Variants in ABR observed in about 807,000 individuals in gnomAD.
ABR encodes active breakpoint cluster region-related protein.
A neutral mutation model predicts 107.2 loss-of-function variants in ABR; 35 were observed. The ratio of observed to expected loss-of-function variants is 0.33; its 90% CI spans 0.25 to 0.43. The LOEUF (loss-of-function observed/expected upper bound fraction) is 0.43, where lower values mean the gene tolerates loss of function less well. Ranked by LOEUF, ABR falls within the 20% of genes least tolerant of loss-of-function variation. ABR has a pLI of 1.00. For missense variants in ABR, 815 were observed against 1,115.2 expected (o/e 0.73, Z 3.83); for synonymous variants, 498 against 462.0 (o/e 1.08, Z -1.00).
chr17:1,029,795 C>T (rs1008448282), intron 16 of ABR, among the ~76,000 whole-genome samples: 3 of 92,646 alleles, frequency 3.2e-5, no homozygotes, highest in East Asian at 6.7e-4. Context: ...GACGTCCCTC[C>T]GTCCACCACA....
Position 1,074,048 on chromosome 17 carries a change from C to T in ABR, c.701-371G>A, listed in dbSNP as rs149682487. ...CACACAGCTCCACCCAGCCACGCCC[C>T]GAAGAGTCCAGCACACCTGCCACAC... On this transcript the variant is annotated intron_variant, in intron 6 of 22. Coordinates refer to ENST00000302538, the MANE Select transcript of ABR (RefSeq NM_021962.5). Among the ~76,000 whole-genome samples, 1,267 of 145,778 alleles carry T rather than the reference C, an allele frequency of 8.7e-3. 15 individuals carry two copies. The highest frequency in any genetic ancestry group is 0.032 in the African/African-American group (1,186 of 37,392).
intron 2 of ABR, among the ~76,000 whole-genome samples, chr17:1,116,747 C>A (rs1374309138): frequency 6.6e-5 from 10 of 152,210 alleles, no homozygotes; most frequent in African/African-American, 2.4e-4. Flanking sequence ...CGGGGGCAGC[C>A]CCATGGCTGG....
At chr17:1,105,675 A>G (rs909089308) in intron 2 of ABR, among the ~76,000 whole-genome samples, 3 of 152,178 alleles carry the variant, frequency 2.0e-5, no homozygotes, top group African/African-American at 4.8e-5. Flanking sequence ...GGAGTTACAG[A>G]CTAGCATGGG....
Position 1,200,345 on chromosome 17 carries a change from T to C in ABR, c.838+28448A>G, listed in dbSNP as rs140063651. On this transcript the variant is annotated intron_variant, in intron 1 of 22. Coordinates refer to the ABR transcript ENST00000574139. The surrounding 1 kb of genome is among the most constrained non-coding windows in gnomAD (Gnocchi z 4.1). ...TGAAGCCAGGAGTTCAAGACCAGCC[T>C]GGGCAACATAGCAAGACACTGTCTC... Among the ~76,000 whole-genome samples the C allele has an allele frequency of 1.4e-3, 215 of 152,210 alleles. No homozygotes were observed. Among genetic ancestry groups the C allele is most frequent in the African/African-American group, 4.8e-3 (200 of 41,532 alleles).
intron 16 of ABR, among the ~76,000 whole-genome samples, chr17:1,017,195 G>A (rs2071230069): frequency 6.6e-6 from 1 of 152,086 alleles, no homozygotes; most frequent in South Asian, 2.1e-4. Context: ...GGAGGCAGGG[G>A]TCCTACAGGG....
intron 2 of ABR, among the ~76,000 whole-genome samples, chr17:1,119,779 C>T (rs1306666568): frequency 2.0e-5 from 3 of 152,198 alleles, no homozygotes; most frequent in African/African-American, 7.2e-5. Context: ...CAAGGGAGGG[C>T]GTGTGAGCGG....
At chr17:1,123,396 G>C (rs747310539) in intron 2 of ABR, among the ~76,000 whole-genome samples, 1 of 152,166 alleles carries the variant, frequency 6.6e-6, no homozygotes, top group Non-Finnish European at 1.5e-5. Context: ...CAAGCAAGAC[G>C]CACAGCCACC....
intron 1 of ABR, among the ~76,000 whole-genome samples, chr17:1,212,093 A>T (rs957937143): frequency 1.9e-4 from 29 of 149,650 alleles, no homozygotes; most frequent in African/African-American, 6.1e-4. Flanking sequence ...GAAAAAAAAA[A>T]AAATTACTAT....
rs1405015652 is a variant in ABR, at chr17:1,065,105, G to A, written c.1182+1972C>T. ...ATGTTCCTCTAGACGCTGCTGTTACGTGAACTGAGGGCTATGCATGTTCCT... is the reference window on the plus strand; with the variant it reads ...ATGTTCCTCTAGACGCTGCTGTTACATGAACTGAGGGCTATGCATGTTCCT... On this transcript the variant is annotated intron_variant, in intron 10 of 22. Transcript: ENST00000302538. Among the ~76,000 whole-genome samples the A allele has an allele frequency of 5.8e-4, 44 of 76,138 alleles. No homozygotes were observed. The East Asian group carries it at 0.014, about 24-fold the overall frequency. The allele number at this position is 76,138 out of a possible 152,430, so 49.9% of individuals were successfully genotyped here.
At chr17:1,112,423 C>T (rs1231630527) in intron 2 of ABR, among the ~76,000 whole-genome samples, 2 of 152,130 alleles carry the variant, frequency 1.3e-5, no homozygotes, top group Non-Finnish European at 2.9e-5. Context: ...AGAGAAGGCC[C>T]GAAAGGAAAG....
chr17:1,010,532 A>T lies in ABR; in HGVS notation c.2236+197T>A, dbSNP rs1381506109. ...GGACATCAGGGGCAAGAGGCAGGCG[A>T]GAAAGGGCCCAGTGTCTGCACCAGG... On this transcript the variant is annotated intron_variant, in intron 20 of 22. Transcript: ENST00000302538. The surrounding 1 kb of genome is among the most constrained non-coding windows in gnomAD (Gnocchi z 4.1). 2 of 670,726 alleles carry T rather than the reference A, an allele frequency of 3.0e-6. No homozygotes were observed. Among genetic ancestry groups the T allele is most frequent in the Admixed American group, 6.0e-5 (2 of 33,084 alleles). The allele number at this position is 670,726 out of a possible 1,614,324, so 41.5% of individuals were successfully genotyped here. A position where few individuals can be genotyped will look rare whatever the true frequency, so the allele number is the denominator to read the frequency against.
chr17:1,198,912 C>T (rs1433526195), intron 1 of ABR, among the ~76,000 whole-genome samples: 2 of 148,488 alleles, frequency 1.3e-5, no homozygotes, highest in South Asian at 2.1e-4. Flanking sequence ...GGATTACAGG[C>T]GTGAGCTACC....
At chr17:1,204,548 T>C (rs186759890) in intron 1 of ABR, among the ~76,000 whole-genome samples, 23 of 152,334 alleles carry the variant, frequency 1.5e-4, no homozygotes, top group Admixed American at 1.5e-3. Flanking sequence ...CAGAAGATTA[T>C]AATCCTGTAT....
intron 5 of ABR, among the ~76,000 whole-genome samples, chr17:1,080,155 A>G (rs2036115116): frequency 6.6e-6 from 1 of 152,180 alleles, no homozygotes; most frequent in Admixed American, 6.5e-5. Context: ...GACCTTCGGC[A>G]GAGATGCTGA....
chr17:1,132,328 A>T (rs2039881486), intron 1 of ABR, among the ~76,000 whole-genome samples: 1 of 151,642 alleles, frequency 6.6e-6, no homozygotes, highest in East Asian at 1.9e-4. Context: ...CTCTCCCAGG[A>T]ACTTTCCTGT....
At chr17:1,170,134 G>A (rs558288803) in intron 1 of ABR, among the ~76,000 whole-genome samples, 47 of 152,318 alleles carry the variant, frequency 3.1e-4, no homozygotes, top group South Asian at 1.4e-3. Context: ...ATGCCCCTAG[G>A]AAGAGGCAGC....
intron 1 of ABR, among the ~76,000 whole-genome samples, chr17:1,160,092 CACTT>C (rs1382111063): frequency 2.0e-5 from 3 of 152,076 alleles, no homozygotes; most frequent in South Asian, 2.1e-4. Flanking sequence ...CAGGAGGAAA[CACTT>C]ACACCAATAG....
At position 1,004,454 on chromosome 17, in the gene ABR, G is replaced by A. The variant is rs1458196338; in HGVS notation, c.*1626C>T. ...AGACTCAGCCCTGAGCACAAGCAAT[G>A]GGAACTGAGCTCCCCAGCCCTGAGG... On this transcript the variant is annotated 3_prime_UTR_variant, in exon 23 of 23. Transcript: ENST00000302538. The A allele has an allele frequency of 1.3e-5, 2 of 152,568 alleles. No homozygotes were observed. Among genetic ancestry groups the A allele is most frequent in the African/African-American group, 2.4e-5 (1 of 41,470 alleles). 9.5% of individuals were successfully genotyped at this position (152,568 alleles called of 1,614,324 possible). A position where few individuals can be genotyped will look rare whatever the true frequency, so the allele number is the denominator to read the frequency against.
intron 2 of ABR, among the ~76,000 whole-genome samples, chr17:1,110,944 C>T (rs1044958238): frequency 8.5e-5 from 13 of 152,068 alleles, no homozygotes; most frequent in South Asian, 6.2e-4. Flanking sequence ...TCATTTGGTG[C>T]GGGCGGGTGA....
Sources: gnomAD v4.1 joint callset for allele counts (sites outside exome capture counted in the v4.1 genomes callset) on GRCh38, gnomAD v4.1.1 for gene constraint, Gnocchi (gnomAD v3.1) non-coding constraint, MANE v1.5 for transcripts, NCBI Gene and HGNC (gene_info 2026-07-23, HGNC 2026-07-21) for gene names.